Variants in PIK3AP1 observed in about 807,000 individuals in gnomAD.
PIK3AP1 encodes the protein phosphoinositide 3-kinase adapter protein 1.
Under a neutral mutation model 88.1 loss-of-function variants are expected in PIK3AP1, and 21 were observed. That is an observed-to-expected ratio of 0.24 (90% CI 0.17 to 0.34). The LOEUF is 0.34. Among genes scored for constraint, PIK3AP1 ranks in the 10% least tolerant of loss-of-function variants. PIK3AP1 has a pLI of 1.00. For missense variants in PIK3AP1, 828 were observed against 1,035.7 expected, an observed-to-expected ratio of 0.80 and a Z score of 2.75; for synonymous variants, 398 against 400.0, an observed-to-expected ratio of 1.00 and a Z score of 0.06.
chr10:96,707,428 G>T (rs923400719), intron 2 of PIK3AP1, among the ~76,000 whole-genome samples: 5 of 152,108 alleles, frequency 3.3e-5, no homozygotes, highest in South Asian at 4.1e-4. Flanking sequence ...GAGTAGCTGG[G>T]ATTACAGGCA....
intron 2 of PIK3AP1, among the ~76,000 whole-genome samples, chr10:96,706,516 G>A (rs976379448): frequency 7.2e-5 from 11 of 152,112 alleles, no homozygotes; most frequent in Admixed American, 2.0e-4. Flanking sequence ...ATGAAATGTG[G>A]CAAGAAGGTC....
intron 1 of PIK3AP1, among the ~76,000 whole-genome samples, chr10:96,717,297 A>G (rs888166052): frequency 1.3e-5 from 2 of 151,278 alleles, no homozygotes; most frequent in African/African-American, 4.9e-5. Flanking sequence ...AGAAGTACAG[A>G]CAGGAAGTGC....
At chr10:96,648,297 A>T (rs1396766142) in intron 7 of PIK3AP1, among the ~76,000 whole-genome samples, 1 of 152,210 alleles carries the variant, frequency 6.6e-6, no homozygotes, top group African/African-American at 2.4e-5. Context: ...GATTCACTCT[A>T]TAAAGGTTTC....
chr10:96,660,373 G>A (rs1182836670), intron 2 of PIK3AP1, among the ~76,000 whole-genome samples: 2 of 152,162 alleles, frequency 1.3e-5, no homozygotes, highest in Non-Finnish European at 2.9e-5. Context: ...ATCTTGAAAA[G>A]ATGGTCCACA....
intron 8 of PIK3AP1, among the ~76,000 whole-genome samples, chr10:96,632,660 G>A (rs1843260135): frequency 1.3e-5 from 2 of 152,178 alleles, no homozygotes; most frequent in African/African-American, 4.8e-5. Flanking sequence ...GCAAGATTTT[G>A]GAAGCAACAA....
chr10:96,597,371 TCTC>T (rs560199581), intron 16 of PIK3AP1, among the ~76,000 whole-genome samples: 74,259 of 115,696 alleles, frequency 0.64, 25,320 homozygotes, highest in East Asian at 0.85. Flanking sequence ...TCTCTCTCTC[TCTC>T]TCTTTCTTTC....
intron 14 of PIK3AP1, among the ~76,000 whole-genome samples, chr10:96,606,212 G>T (rs1315216803): frequency 6.6e-6 from 1 of 152,150 alleles, no homozygotes; most frequent in African/African-American, 2.4e-5. Context: ...CTGTCCACAA[G>T]TCTAAAACCT....
At chr10:96,607,166 G>T (rs1468314527) in intron 14 of PIK3AP1, among the ~76,000 whole-genome samples, 1 of 152,132 alleles carries the variant, frequency 6.6e-6, no homozygotes, top group Non-Finnish European at 1.5e-5. Context: ...TTAAGGGGCA[G>T]TTGGTGGATA....
intron 15 of PIK3AP1, among the ~76,000 whole-genome samples, chr10:96,603,127 G>A (rs1848933091): frequency 6.6e-6 from 1 of 152,158 alleles, no homozygotes; most frequent in Non-Finnish European, 1.5e-5. Context: ...ATTTCCAGCT[G>A]TCTATTTCCT....
chr10:96,672,456 G>C (rs1179353000), intron 2 of PIK3AP1, among the ~76,000 whole-genome samples: 1 of 152,276 alleles, frequency 6.6e-6, no homozygotes, highest in Non-Finnish European at 1.5e-5. Context: ...AGCAGGACAG[G>C]AGGAAAGATG....
intron 11 of PIK3AP1, chr10:96,621,064 G>A: frequency 6.2e-6 from 1 of 161,398 alleles, no homozygotes; most frequent in South Asian, 1.7e-4. Context: ...GCGGTCCCTG[G>A]CCAAGGCGTA....
intron 2 of PIK3AP1, among the ~76,000 whole-genome samples, chr10:96,660,882 T>A (rs944865192): frequency 3.3e-5 from 5 of 152,104 alleles, no homozygotes; most frequent in African/African-American, 1.2e-4. Context: ...TGCATATTAC[T>A]AAGTGAAAGA....
intron 8 of PIK3AP1, among the ~76,000 whole-genome samples, chr10:96,642,979 A>G (rs7085908): frequency 0.017 from 2,514 of 152,310 alleles, 82 homozygotes; most frequent in African/African-American, 0.056. Flanking sequence ...TCAAGTGGGT[A>G]CTGGTGGTTC....
intron 13 of PIK3AP1, among the ~76,000 whole-genome samples, chr10:96,613,783 G>A (rs1381739463): frequency 3.3e-5 from 5 of 152,210 alleles, no homozygotes; most frequent in East Asian, 3.8e-4. Flanking sequence ...CTCAGCTGGT[G>A]TGTGGGCCTC....
intron 1 of PIK3AP1, 117 bp from the exon 2 acceptor site, chr10:96,710,100 G>A: frequency 3.0e-6 from 3 of 998,488 alleles, no homozygotes; most frequent in Non-Finnish European, 4.4e-6. Flanking sequence ...ATCTTTCGTG[G>A]TGTGCCTCCA....
intron 2 of PIK3AP1, among the ~76,000 whole-genome samples, chr10:96,685,432 C>G (rs1435535392): frequency 6.6e-6 from 1 of 152,208 alleles, no homozygotes; most frequent in South Asian, 2.1e-4. Context: ...CTGCCCACAG[C>G]CCCTGGAGCC....
chr10:96,622,960 T>C (rs1843106244), intron 11 of PIK3AP1, among the ~76,000 whole-genome samples: 1 of 152,230 alleles, frequency 6.6e-6, no homozygotes. Flanking sequence ...GAAAGGCTGT[T>C]ATCATTAGGT....
intron 6 of PIK3AP1, among the ~76,000 whole-genome samples, chr10:96,650,107 T>TA (rs1420805768): frequency 6.6e-6 from 1 of 152,186 alleles, no homozygotes; most frequent in African/African-American, 2.4e-5. Context: ...GGCTATGAAA[T>TA]ACTTTCTTCT....
At chr10:96,647,284 T>C (rs1269390228) in intron 7 of PIK3AP1, among the ~76,000 whole-genome samples, 1 of 152,206 alleles carries the variant, frequency 6.6e-6, no homozygotes, top group African/African-American at 2.4e-5. Context: ...CCCTGAATAG[T>C]CTGTGGCCCT....
Sources: allele counts gnomAD v4.1 joint callset (sites outside exome capture counted in the v4.1 genomes callset), GRCh38; gene constraint gnomAD v4.1.1; transcripts MANE v1.5; gene names NCBI Gene and HGNC (gene_info 2026-07-23, HGNC 2026-07-21).